Variants in HVCN1 observed in about 807,000 individuals in gnomAD.
HVCN1 encodes hydrogen voltage gated channel 1, also known as voltage-gated hydrogen channel 1.
In HVCN1, 14 loss-of-function variants were observed where a neutral mutation model predicts 29.2. The ratio of observed to expected loss-of-function variants is 0.48; its 90% CI spans 0.32 to 0.75. The LOEUF is 0.75. Ranked by LOEUF, HVCN1 falls within the 30% of genes least tolerant of loss-of-function variation. HVCN1 has a pLI of 0.04. For missense variants in HVCN1, 263 were observed against 341.8 expected (o/e 0.77, Z 1.82); for synonymous variants, 131 against 133.2 (o/e 0.98, Z 0.11).
intron 3 of HVCN1, among the ~76,000 whole-genome samples, chr12:110,677,564 G>A (rs887644874): frequency 1.3e-5 from 2 of 152,134 alleles, no homozygotes; most frequent in African/African-American, 4.8e-5. Flanking sequence ...GATGGTGGAA[G>A]GTGGAATGAA....
intron 3 of HVCN1, among the ~76,000 whole-genome samples, chr12:110,669,050 A>T (rs1318066560): frequency 6.6e-6 from 1 of 151,436 alleles, no homozygotes; most frequent in Non-Finnish European, 1.5e-5. Context: ...TTCACGTTCA[A>T]ATCAAAGACT....
In HVCN1 at chr12:110,651,264, C is replaced by T; in HGVS notation, c.596G>A (p.Gly199Asp). 1.2e-6 allele frequency: 2 copies of T among 1,614,014 alleles called. No homozygotes were observed. The highest frequency in any genetic ancestry group is 1.7e-6 in the Non-Finnish European group (2 of 1,179,952). The change falls in exon 6 of 8, where the codon GGC becomes GAC. Residue 199 changes from glycine (G) to aspartate (D), a missense_variant. Physicochemically the swap from Gly to Asp is moderately conservative, Grantham distance 94 (BLOSUM62 -1). Around this residue, in one of 3 missense-constraint regions of HVCN1, gnomAD observed 55 missense variants for 109.4 expected, o/e 0.50. Transcript: ENST00000242607. The stretch of plus-strand genomic sequence containing the variant: ...CCACAGCCGGAGCAGAATCAGCAGG[C>T]CCAGAGCCTCAAACTGGTGCTCCTG... The part of the protein sequence containing the change: ...LFQEHQFEAL[G>D]LLILLRLWRV...
intron 6 of HVCN1, 148 bp downstream of exon 6, chr12:110,651,069 A>AGGAGAGGGAGGTGAGGGG: frequency 1.6e-6 from 1 of 623,920 alleles, no homozygotes; most frequent in Admixed American, 2.9e-5. Context: ...GGAAGAAGGG[A>AGGAGAGGGAGGTGAGGGG]GGAGAGGGAG....
rs527428389 is a variant in HVCN1, at chr12:110,658,225, A to G, written c.307-2887T>C. 2.6e-5 allele frequency among the ~76,000 whole-genome samples: 4 copies of G among 152,134 alleles called. No individual in the cohort carries two copies. The East Asian group carries it at 7.7e-4, about 29-fold the overall frequency. On this transcript the variant is annotated intron_variant, in intron 4 of 7. Transcript: ENST00000242607. The surrounding 1 kb of genome is among the most constrained non-coding windows in gnomAD (Gnocchi z 5.0). ...AAGAAGGGACCTCAATTAACTATTAATATATCAAGCACCTTGGCCATCTCA... is the reference window on the plus strand; with the variant it reads ...AAGAAGGGACCTCAATTAACTATTAGTATATCAAGCACCTTGGCCATCTCA...
chr12:110,656,506 G>A (rs2067995687), intron 4 of HVCN1, among the ~76,000 whole-genome samples: 1 of 152,186 alleles, frequency 6.6e-6, no homozygotes, highest in Admixed American at 6.5e-5. Flanking sequence ...TGGAGATGCA[G>A]CAGTGGGAGG....
chr12:110,668,460 A>G (rs964044224), intron 3 of HVCN1, among the ~76,000 whole-genome samples: 1 of 152,174 alleles, frequency 6.6e-6, no homozygotes, highest in Admixed American at 6.5e-5. Context: ...AGCCAAGATC[A>G]TGCCACTGCA....
At chr12:110,690,134 C>T (rs1028399101), upstream of HVCN1, among the ~76,000 whole-genome samples, 1 of 152,196 alleles carries the variant, frequency 6.6e-6, no homozygotes, top group African/African-American at 2.4e-5. Flanking sequence ...TCTGGAGGCG[C>T]CAGGGTAGTG....
intron 2 of HVCN1, among the ~76,000 whole-genome samples, chr12:110,701,820 G>A (rs1426301555): frequency 2.0e-5 from 3 of 151,386 alleles, no homozygotes; most frequent in Non-Finnish European, 4.4e-5. Flanking sequence ...TCGTGCCATT[G>A]CACTCCAGCC....
At chr12:110,666,629 C>A (rs1284687057) in intron 3 of HVCN1, among the ~76,000 whole-genome samples, 1 of 152,174 alleles carries the variant, frequency 6.6e-6, no homozygotes, top group Non-Finnish European at 1.5e-5. Flanking sequence ...AGCCTCCTCG[C>A]CACACTCCAG....
chr12:110,651,263 G>T lies in HVCN1; in HGVS notation c.597C>A (p.Gly199=). 6.2e-7 allele frequency: 1 copy of T among 1,614,028 alleles called. No individual in the cohort carries two copies. Among genetic ancestry groups the T allele is most frequent in the Admixed American group, 1.7e-5 (1 of 60,016 alleles). The change falls in exon 6 of 8, where the codon GGC becomes GGA. Residue 199 remains glycine, a synonymous_variant. Transcript: ENST00000242607. ...GCCACAGCCGGAGCAGAATCAGCAG[G>T]CCCAGAGCCTCAAACTGGTGCTCCT... ...LFQEHQFEAL[G]LLILLRLWRV... is the part of the protein sequence containing the mutation.
chr12:110,657,508 G>GAAAAAAAAAA (rs529473919), intron 4 of HVCN1, among the ~76,000 whole-genome samples: 1 of 87,146 alleles, frequency 1.1e-5, no homozygotes, highest in Non-Finnish European at 2.5e-5. Flanking sequence ...AAAGAAAAAA[G>GAAAAAAAAAA]AAAAAAAAAA....
intron 6 of HVCN1, among the ~76,000 whole-genome samples, chr12:110,650,778 C>T (rs2067775873): frequency 1.3e-5 from 2 of 151,464 alleles, no homozygotes; most frequent in Non-Finnish European, 2.9e-5. Flanking sequence ...ATTGCAGCCT[C>T]CAAATCCTGG....
intron 2 of HVCN1, among the ~76,000 whole-genome samples, chr12:110,696,630 G>T (rs1165109311): frequency 2.0e-5 from 3 of 152,068 alleles, no homozygotes; most frequent in Non-Finnish European, 4.4e-5. Context: ...GAACCTGCTA[G>T]TCTACTTTCT....
chr12:110,691,542 T>A (rs2069406891), upstream of HVCN1, among the ~76,000 whole-genome samples: 1 of 152,164 alleles, frequency 6.6e-6, no homozygotes, highest in Non-Finnish European at 1.5e-5. Context: ...GGAGAGGATG[T>A]GGGGACTGCT....
chr12:110,689,189 C>T (rs1566067486), upstream of HVCN1: 2 of 150,542 alleles, frequency 1.3e-5, no homozygotes, highest in South Asian at 4.1e-4. This position sits in a 1 kb window ranked among gnomAD's most constrained non-coding sequence, Gnocchi z 5.7. Flanking sequence ...GCCCGGGCCG[C>T]CCCCGCCCCC....
At chr12:110,679,756 G>A (rs1486541529) in intron 3 of HVCN1, among the ~76,000 whole-genome samples, 2 of 152,164 alleles carry the variant, frequency 1.3e-5, no homozygotes, top group African/African-American at 4.8e-5. Flanking sequence ...GGGAGGCTGA[G>A]GCAGGAGAAT....
intron 3 of HVCN1, among the ~76,000 whole-genome samples, chr12:110,675,868 C>T (rs2068737587): frequency 2.0e-5 from 3 of 152,130 alleles, no homozygotes; most frequent in African/African-American, 7.2e-5. Context: ...GAGATAATGC[C>T]ATTGCACTCC....
chr12:110,693,470 G>T (rs546932741), upstream of HVCN1, among the ~76,000 whole-genome samples: 1 of 152,140 alleles, frequency 6.6e-6, no homozygotes, highest in Non-Finnish European at 1.5e-5. Context: ...CTTGAACCCG[G>T]GAGGTGGAGG....
chr12:110,682,050 C>T (rs895804554), intron 3 of HVCN1, among the ~76,000 whole-genome samples: 5 of 152,008 alleles, frequency 3.3e-5, no homozygotes, highest in Non-Finnish European at 5.9e-5. Context: ...TGCAATGGTG[C>T]GATCTTGGCT....
Sources: gnomAD v4.1 joint callset for allele counts (sites outside exome capture counted in the v4.1 genomes callset) on GRCh38, gnomAD v4.1.1 for gene constraint, gnomAD v4.1.1 regional missense constraint, Gnocchi (gnomAD v3.1) non-coding constraint, MANE v1.5 for transcripts, NCBI Gene and HGNC (gene_info 2026-07-23, HGNC 2026-07-21) for gene names.